JAZF1: variants seen among roughly 807,000 people sequenced by gnomAD.
JAZF1 encodes the protein JAZF zinc finger 1.
A neutral mutation model predicts 26.4 loss-of-function variants in JAZF1; 8 were observed. That is an observed-to-expected ratio of 0.30 (90% confidence interval 0.18 to 0.55). The LOEUF (loss-of-function observed/expected upper bound fraction) is 0.55. Ranked by LOEUF, JAZF1 falls within the 20% of genes least tolerant of loss-of-function variation. The pLI, the probability that JAZF1 is intolerant of heterozygous loss-of-function variation, is 0.94. For missense variants in JAZF1, 199 were observed against 322.0 expected (o/e 0.62, Z 2.92); for synonymous variants, 126 against 122.3 (o/e 1.03, Z -0.20).
At chr7:27,969,889 C>T (rs10237946) in intron 2 of JAZF1, among the ~76,000 whole-genome samples, 1 of 152,214 alleles carries the variant, frequency 6.6e-6, no homozygotes, top group Non-Finnish European at 1.5e-5. Flanking sequence ...ATCTTTTTAC[C>T]TTTGTATCTG....
intron 1 of JAZF1, among the ~76,000 whole-genome samples, chr7:28,091,906 C>T (rs1784303424): frequency 6.6e-6 from 1 of 151,980 alleles, no homozygotes; most frequent in South Asian, 2.1e-4. Flanking sequence ...TAGGTCAAAA[C>T]CTTGTAAAAT....
intron 2 of JAZF1, among the ~76,000 whole-genome samples, chr7:27,933,703 CAACT>C (rs1270549431): frequency 6.6e-6 from 1 of 152,134 alleles, no homozygotes; most frequent in Non-Finnish European, 1.5e-5. Flanking sequence ...CTTCATTTTA[CAACT>C]AACATCTTGT....
Position 27,840,637 on chromosome 7 carries a change from C to G in JAZF1, c.555+61G>C, listed in dbSNP as rs757802187. ...CTTTAAAATCAAGAAAGGGCTGCTG[C>G]CTTCCATGAAGCTTGCCCTGTTTCC... On this transcript the variant is annotated intron_variant, in intron 4 of 4. Transcript: ENST00000283928. This position sits in a 1 kb window ranked among gnomAD's most constrained non-coding sequence, Gnocchi z 5.1. 39 of 1,543,574 alleles carry G rather than the reference C, an allele frequency of 2.5e-5. No homozygotes were observed. The highest frequency in any genetic ancestry group is 2.8e-5 in the Non-Finnish European group (31 of 1,125,450).
chr7:27,870,682 G>A (rs1266363956), intron 3 of JAZF1, among the ~76,000 whole-genome samples: 2 of 152,086 alleles, frequency 1.3e-5, no homozygotes, highest in African/African-American at 4.8e-5. Flanking sequence ...GTGGAAGTCC[G>A]GCCCCCAGGT....
chr7:27,867,191 G>T (rs905551260), intron 3 of JAZF1, among the ~76,000 whole-genome samples: 1 of 152,204 alleles, frequency 6.6e-6, no homozygotes, highest in Admixed American at 6.5e-5. Context: ...CAAAAGGAGG[G>T]CTGGGAAAGG....
At chr7:27,964,454 T>C (rs774372495) in intron 2 of JAZF1, among the ~76,000 whole-genome samples, 3 of 152,024 alleles carry the variant, frequency 2.0e-5, no homozygotes, top group East Asian at 1.9e-4. Flanking sequence ...CATGATACAA[T>C]AGTTAAATGT....
rs750007578 is a variant in JAZF1, at chr7:27,895,154, A to T, written c.385+66T>A. On this transcript the variant is annotated intron_variant, in intron 3 of 4. Transcript: ENST00000283928. Reference sequence around the variant, plus strand: ...TCCCCAGCCCCTTTCTGCCCCCAGCACATCACACACACTTTCTCTTTCTCC... The same window carrying T: ...TCCCCAGCCCCTTTCTGCCCCCAGCTCATCACACACACTTTCTCTTTCTCC... The T allele has an allele frequency of 2.7e-6, 3 of 1,107,070 alleles. No homozygotes were observed. The East Asian group carries it at 8.4e-5, about 31-fold the overall frequency. The allele number at this position is 1,107,070 out of a possible 1,614,324, so 68.6% of individuals were successfully genotyped here.
chr7:28,092,267 C>CATCCCATT (rs1269540965), intron 1 of JAZF1, among the ~76,000 whole-genome samples: 5 of 79,114 alleles, frequency 6.3e-5, no homozygotes, highest in African/African-American at 2.5e-4. Context: ...TAAACTCTAA[C>CATCCCATT]ATCCCATTTC....
intron 3 of JAZF1, among the ~76,000 whole-genome samples, chr7:27,871,875 G>A (rs2128338053): frequency 6.6e-6 from 1 of 152,246 alleles, no homozygotes; most frequent in South Asian, 2.1e-4. Context: ...TGGAAGGTGG[G>A]GAGACACACA....
chr7:28,042,760 A>G (rs2128377757), intron 1 of JAZF1, among the ~76,000 whole-genome samples: 1 of 152,252 alleles, frequency 6.6e-6, no homozygotes, highest in Non-Finnish European at 1.5e-5. Flanking sequence ...ATAATCACCT[A>G]CAGTATTCAG....
chr7:28,039,817 T>A lies in JAZF1; in HGVS notation c.116-47836A>T, dbSNP rs146129482. The stretch of plus-strand genomic sequence containing the variant: ...GATATAAATAACTGGAATGACTGAA[T>A]ACAGCACAAAATACAGACGTGGGGA... On this transcript the variant is annotated intron_variant, in intron 1 of 4. Coordinates refer to ENST00000283928, the MANE Select transcript of JAZF1 (RefSeq NM_175061.4). Among the ~76,000 whole-genome samples the A allele has an allele frequency of 2.8e-3, 431 of 152,316 alleles. 2 individuals are homozygous for A. Among genetic ancestry groups the A allele is most frequent in the African/African-American group, 9.9e-3 (413 of 41,576 alleles).
intron 1 of JAZF1, among the ~76,000 whole-genome samples, chr7:28,100,917 A>T (rs1784462105): frequency 6.6e-6 from 1 of 152,208 alleles, no homozygotes; most frequent in Non-Finnish European, 1.5e-5. Context: ...GAAAAAACAA[A>T]ACAAAACTTT....
At chr7:27,915,872 A>C (rs1236904238) in intron 2 of JAZF1, among the ~76,000 whole-genome samples, 2 of 152,374 alleles carry the variant, frequency 1.3e-5, no homozygotes, top group African/African-American at 4.8e-5. Flanking sequence ...TCAAGGTAAC[A>C]GTGAAATACT....
At chr7:28,129,245 G>A (rs1259013375) in intron 1 of JAZF1, among the ~76,000 whole-genome samples, 1 of 152,070 alleles carries the variant, frequency 6.6e-6, no homozygotes, top group African/African-American at 2.4e-5. Flanking sequence ...TGGATATTAT[G>A]CAGGTGTATG....
chr7:27,936,034 C>A (rs1784759201), intron 2 of JAZF1, among the ~76,000 whole-genome samples: 1 of 152,216 alleles, frequency 6.6e-6, no homozygotes, highest in Non-Finnish European at 1.5e-5. Context: ...TTCCGCTTTC[C>A]ATGCCACCTC....
At chr7:27,848,091 C>T (rs1048490195) in intron 3 of JAZF1, among the ~76,000 whole-genome samples, 9 of 152,208 alleles carry the variant, frequency 5.9e-5, no homozygotes, top group South Asian at 2.1e-4. Flanking sequence ...TTACTGTTTC[C>T]GTGAAGGATG....
intron 1 of JAZF1, among the ~76,000 whole-genome samples, chr7:28,064,872 T>A (rs1403304411): frequency 1.3e-5 from 2 of 152,188 alleles, no homozygotes; most frequent in Non-Finnish European, 2.9e-5. Context: ...ATATCTTAAA[T>A]TCTACCATTA....
chr7:27,976,344 C>CAAAAA (rs55992845), intron 2 of JAZF1, among the ~76,000 whole-genome samples: 2 of 80,442 alleles, frequency 2.5e-5, no homozygotes, highest in East Asian at 3.6e-4. Flanking sequence ...GACTCCGTCT[C>CAAAAA]AAAAAAAAAA....
intron 1 of JAZF1, among the ~76,000 whole-genome samples, chr7:28,063,931 G>A (rs1783838590): frequency 6.6e-6 from 1 of 152,074 alleles, no homozygotes; most frequent in African/African-American, 2.4e-5. Flanking sequence ...CAGTGTGAAA[G>A]TTACCAAAAT....
Sources: allele counts gnomAD v4.1 joint callset (sites outside exome capture counted in the v4.1 genomes callset), GRCh38; gene constraint gnomAD v4.1.1; non-coding constraint Gnocchi (gnomAD v3.1); transcripts MANE v1.5; gene names NCBI Gene and HGNC (gene_info 2026-07-23, HGNC 2026-07-21).